The following AGL variants were observed in gnomAD, a reference collection of about 807,000 sequenced individuals.
AGL encodes amylo-alpha-1,6-glucosidase and 4-alpha-glucanotransferase.
A neutral mutation model predicts 199.3 loss-of-function variants in AGL; 128 were observed. That is an observed-to-expected ratio of 0.64 (90% CI 0.56 to 0.74). The LOEUF is 0.74. Ranked by LOEUF, AGL falls within the 30% of genes least tolerant of loss-of-function variation. The pLI is 0.00. For synonymous variants in AGL, 584 were observed against 594.7 expected (o/e 0.98, Z 0.26); for missense variants, 1,809 against 1,820.8 (o/e 0.99, Z 0.12).
chr1:99,892,598 C>T lies in AGL; in HGVS notation c.3250C>T (p.Leu1084=), dbSNP rs1319052129. ...TKEKEQCCVS[L]AAGLPHFSSG... is the part of the protein sequence containing the mutation. Reference sequence around the variant, plus strand: ...AGAAAAGGAGCAATGTTGTGTTTCTCTAGCTGCAGGTAAGGAATTATGTAC... The same window carrying T: ...AGAAAAGGAGCAATGTTGTGTTTCTTTAGCTGCAGGTAAGGAATTATGTAC... Residue 1084 remains leucine, a synonymous_variant, in exon 24 of 34, where the codon CTA becomes TTA. Transcript: ENST00000361915. 6.2e-7 allele frequency: 1 copy of T among 1,613,234 alleles called. No homozygotes were observed. The highest frequency in any genetic ancestry group is 1.1e-5 in the South Asian group (1 of 91,042).
chr1:99,904,943 T>C (rs1654143464), intron 27 of AGL, among the ~76,000 whole-genome samples: 2 of 152,228 alleles, frequency 1.3e-5, no homozygotes, highest in Admixed American at 1.3e-4. Flanking sequence ...AACATTCATG[T>C]ACAAGTTTTT....
intron 20 of AGL, among the ~76,000 whole-genome samples, chr1:99,887,471 AT>A (rs1331795922): frequency 6.6e-6 from 1 of 152,192 alleles, no homozygotes; most frequent in East Asian, 1.9e-4. Context: ...GGTAGAGAGC[AT>A]GTGATTTCCT....
intron 28 of AGL, 77 bp from the exon 29 acceptor site, chr1:99,912,328 A>G: frequency 1.9e-6 from 2 of 1,046,026 alleles, no homozygotes; most frequent in South Asian, 2.7e-5. Flanking sequence ...ATTCATTACA[A>G]TTGTTTACCG....
At chr1:99,851,765 T>C (rs552725254) in intron 2 of AGL, among the ~76,000 whole-genome samples, 1 of 152,334 alleles carries the variant, frequency 6.6e-6, no homozygotes, top group South Asian at 2.1e-4. Context: ...GCCTTTGTAA[T>C]TTTTCAACAT....
chr1:99,895,311 CT>C (rs896013087), intron 24 of AGL, among the ~76,000 whole-genome samples: 3 of 152,092 alleles, frequency 2.0e-5, no homozygotes, highest in African/African-American at 7.2e-5. Context: ...CAAACTCAAT[CT>C]TTAAGTAAAA....
chr1:99,850,780 G>T, intron 1 of AGL, 195 bp from the exon 2 acceptor site: 1 of 463,854 alleles, frequency 2.2e-6, no homozygotes, highest in Non-Finnish European at 3.9e-6. Flanking sequence ...TTTTATTTCG[G>T]TCTTATTCGT....
At chr1:99,864,652 A>G (rs1193040968) in intron 5 of AGL, 63 bp downstream of exon 5, 2 of 1,390,096 alleles carry the variant, frequency 1.4e-6, no homozygotes, top group Non-Finnish European at 2.0e-6. Flanking sequence ...ACACATATAC[A>G]CACAAATAAG....
In AGL at chr1:99,916,651, A is replaced by G. The variant is rs1326374397; in HGVS notation, c.4401A>G (p.Arg1467=). The G allele has an allele frequency of 6.2e-7, 1 of 1,613,212 alleles. No homozygotes were observed. The highest frequency in any genetic ancestry group is 1.1e-5 in the South Asian group (1 of 91,064). The change falls in exon 33 of 34, where the codon AGA becomes AGG. Residue 1467 remains arginine (R), a synonymous_variant. Transcript: ENST00000361915. ...TTCGTGCAAAATTATATTTTTCCAG[A>G]TTGATGGGCCCGGAGACTACTGCAA... ...YFLRAKLYFS[R]LMGPETTAKT...
rs755997467 is a variant in AGL at position 99,916,628 on chromosome 1, C to T, written c.4378C>T (p.Arg1460Cys). Residue 1460 changes from arginine (R) to cysteine (C), a missense_variant, in exon 33 of 34, where the codon CGT becomes TGT. Coordinates refer to ENST00000361915, the MANE Select transcript of AGL (RefSeq NM_000642.3). Reference sequence around the variant, plus strand: ...GCTGTGGCCTATTGGGTATTTTCTTCGTGCAAAATTATATTTTTCCAGATT... The same window carrying T: ...GCTGTGGCCTATTGGGTATTTTCTTTGTGCAAAATTATATTTTTCCAGATT... ...EWLWPIGYFL[R>C]AKLYFSRLMG... 9.9e-6 allele frequency: 16 copies of T among 1,613,032 alleles called. No homozygotes were observed. Among genetic ancestry groups the T allele is most frequent in the Non-Finnish European group, 1.3e-5 (15 of 1,179,502 alleles).
rs1298999791 is a variant in AGL, at chr1:99,862,402, CTT to C, written c.440_441del (p.Leu147GlnfsTer23). ...ACCTTTTGATGAATGGGAAAGCAGA[CTT>C]AGGGTTGCAAAAGAATCAGGTAATG... is the stretch of plus-strand genomic sequence containing the variant. ...LGPFDEWESR[L>X]RVAKESGYNM... On this transcript the variant is annotated frameshift_variant, in exon 4 of 34. Transcript: ENST00000361915. LOFTEE classifies it high-confidence loss of function. 1 of 1,614,042 alleles carries C rather than the reference CTT, an allele frequency of 6.2e-7. No individual in the cohort carries two copies. The highest frequency in any genetic ancestry group is 8.5e-7 in the Non-Finnish European group (1 of 1,180,006).
Position 99,900,803 on chromosome 1 carries a change from G to A in AGL, c.3530G>A (p.Cys1177Tyr). 3 of 1,613,810 alleles carry A rather than the reference G, an allele frequency of 1.9e-6. No individual in the cohort carries two copies. Among genetic ancestry groups the A allele is most frequent in the East Asian group, 2.2e-5 (1 of 44,856 alleles). ...CCAAATGGTCTAGACATTCTCAAGT[G>A]CCCAGTTTCCAGAATGTATCCTACA... ...MVPNGLDILKCPVSRMYPTDD... is the reference protein window; with the variant it reads ...MVPNGLDILKYPVSRMYPTDD... The change falls in exon 26 of 34, where the codon TGC becomes TAC. Residue 1177 changes from cysteine to tyrosine, a missense_variant. Transcript: ENST00000361915.
intron 10 of AGL, 93 bp from the exon 11 acceptor site, chr1:99,876,365 A>G: frequency 1.0e-6 from 1 of 981,072 alleles, no homozygotes; most frequent in Non-Finnish European, 1.5e-6. Flanking sequence ...TATTCTATTC[A>G]TTAGAAAAGA....
chr1:99,864,429 A>G lies in AGL; in HGVS notation c.504A>G (p.Leu168=), dbSNP rs1650329484. The change falls in exon 5 of 34, where the codon CTA becomes CTG. Residue 168 remains leucine (L), a synonymous_variant. Coordinates refer to ENST00000361915, the MANE Select transcript of AGL (RefSeq NM_000642.3). ...TTACCCCATTGCAGACTCTTGGACT[A>G]TCTAGGTCATGCTACTCCCTTGCCA... ...IHFTPLQTLG[L]SRSCYSLANQ... 4 of 1,613,978 alleles carry G rather than the reference A, an allele frequency of 2.5e-6. No individual in the cohort carries two copies. The highest frequency in any genetic ancestry group is 2.2e-5 in the East Asian group (1 of 44,834).
chr1:99,896,283 T>C lies in AGL; in HGVS notation c.3260-3T>C, dbSNP rs1021997139. On this transcript the variant is annotated splice_region_variant and splice_polypyrimidine_tract_variant and intron_variant, in intron 24 of 33. Coordinates refer to ENST00000361915, the MANE Select transcript of AGL (RefSeq NM_000642.3). Reference sequence around the variant, plus strand: ...TATTACTTTGTTGTGTTTTTTTTGTTAGGCTTACCTCATTTTTCTTCTGGT... The same window carrying C: ...TATTACTTTGTTGTGTTTTTTTTGTCAGGCTTACCTCATTTTTCTTCTGGT... 2 of 1,611,822 alleles carry C rather than the reference T, an allele frequency of 1.2e-6. No individual in the cohort carries two copies.
At chr1:99,891,897 G>T (rs1282383507) in intron 23 of AGL, among the ~76,000 whole-genome samples, 158 bp downstream of exon 23, 4 of 152,110 alleles carry the variant, frequency 2.6e-5, no homozygotes, top group Non-Finnish European at 4.4e-5. Context: ...CCTTTAGTCT[G>T]TGTAGCATAC....
At position 99,900,694 on chromosome 1, in the gene AGL, G is replaced by A; in HGVS notation, c.3421G>A (p.Gly1141Ser). Residue 1141 changes from glycine to serine, a missense_variant, in exon 26 of 34, where the codon GGT becomes AGT. Gly to Ser is a moderately conservative substitution (Grantham distance 56, BLOSUM62 0). Coordinates refer to ENST00000361915, the MANE Select transcript of AGL (RefSeq NM_000642.3). ...LRHGLIPNLL[G>S]EGIYARYNCR... ...GCATGGTCTCATTCCTAATCTACTGGGTGAAGGAATTTATGCCAGATACAA... is the reference window on the plus strand; with the variant it reads ...GCATGGTCTCATTCCTAATCTACTGAGTGAAGGAATTTATGCCAGATACAA... 1.2e-6 allele frequency: 2 copies of A among 1,614,014 alleles called. No individual in the cohort carries two copies. Among genetic ancestry groups the A allele is most frequent in the Non-Finnish European group, 1.7e-6 (2 of 1,180,000 alleles).
At chr1:99,907,892 A>G (rs1654440909) in intron 27 of AGL, among the ~76,000 whole-genome samples, 1 of 151,480 alleles carries the variant, frequency 6.6e-6, no homozygotes. Flanking sequence ...ATTGAGGTGC[A>G]GGGTGCTTTG....
intron 21 of AGL, 94 bp downstream of exon 21, chr1:99,888,202 C>G (rs1240964496): frequency 1.3e-6 from 2 of 1,525,398 alleles, no homozygotes; most frequent in East Asian, 4.6e-5. Context: ...CAGAGTATGC[C>G]TACTTGGGTT....
chr1:99,892,285 T>C (rs1314449947), intron 23 of AGL, 147 bp from the exon 24 acceptor site: 7 of 764,744 alleles, frequency 9.2e-6, no homozygotes, highest in Admixed American at 2.6e-5. Flanking sequence ...AGTTTTGAAA[T>C]CTAACCAAAG....
Sources: gnomAD v4.1 joint callset for allele counts (sites outside exome capture counted in the v4.1 genomes callset) on GRCh38, gnomAD v4.1.1 for gene constraint, MANE v1.5 for transcripts, NCBI Gene and HGNC (gene_info 2026-07-23, HGNC 2026-07-21) for gene names.